The following HGSNAT variants were observed in gnomAD, a reference collection of about 807,000 sequenced individuals.
The protein encoded by HGSNAT is transmembrane protein 76.
Under a neutral mutation model 85.2 loss-of-function variants are expected in HGSNAT, and 59 were observed. The observed-to-expected ratio is 0.69, with a 90% confidence interval of 0.56 to 0.86. HGSNAT has a LOEUF of 0.86. Among genes scored for constraint, HGSNAT ranks in the 40% least tolerant of loss-of-function variants. The probability of loss-of-function intolerance (pLI) is 0.00; values close to 1 mark genes in which losing one functional copy is unlikely to be tolerated. For missense variants in HGSNAT, 756 were observed against 777.1 expected (o/e 0.97, Z 0.32); for synonymous variants, 321 against 304.5 (o/e 1.05, Z -0.56).
At chr8:43,158,829 G>C in intron 3 of HGSNAT, 94 bp from the exon 4 acceptor site, 1 of 1,500,910 alleles carries the variant, frequency 6.7e-7, no homozygotes, top group South Asian at 1.3e-5. Flanking sequence ...CCGTACCCAG[G>C]AACATGTATT....
chr8:43,159,519 C>A (rs1381460586), intron 4 of HGSNAT, among the ~76,000 whole-genome samples: 2 of 152,032 alleles, frequency 1.3e-5, no homozygotes, highest in Non-Finnish European at 2.9e-5. Context: ...ACCTGGGAGG[C>A]AGAAGTTGCA....
Position 43,168,422 on chromosome 8 carries a change from C to T in HGSNAT, c.564-751C>T, listed in dbSNP as rs186159302. Among the ~76,000 whole-genome samples, 469 of 100,188 alleles carry T rather than the reference C, an allele frequency of 4.7e-3. 6 individuals are homozygous for T. The highest frequency in any genetic ancestry group is 0.018 in the African/African-American group (449 of 25,518). 65.7% of individuals were successfully genotyped at this position (100,188 alleles called of 152,430 possible). On this transcript the variant is annotated intron_variant, in intron 5 of 17. Coordinates refer to ENST00000379644, the MANE Select transcript of HGSNAT (RefSeq NM_152419.3). ...TTTTTTTTTTTTTGAGATGGAGTCT[C>T]GCTCTGTTGCCCAGGCTGGAGTCCA...
chr8:43,196,905 C>A, intron 14 of HGSNAT, 43 bp from the exon 15 acceptor site: 1 of 1,177,374 alleles, frequency 8.5e-7, no homozygotes, highest in Non-Finnish European at 1.3e-6. Flanking sequence ...ATAAAAATAT[C>A]CCTTTGGCGA....
At chr8:43,147,133 G>A (rs1199948896) in intron 2 of HGSNAT, 70 bp downstream of exon 2, 3 of 837,028 alleles carry the variant, frequency 3.6e-6, no homozygotes, top group Non-Finnish European at 5.7e-6. Context: ...ATGCTCTCAT[G>A]TCTAAAGCCC....
intron 11 of HGSNAT, among the ~76,000 whole-genome samples, chr8:43,186,055 G>A (rs1381445828): frequency 6.6e-6 from 1 of 152,162 alleles, no homozygotes; most frequent in Non-Finnish European, 1.5e-5. Context: ...TTTTATTGAG[G>A]ATTTTTGCAT....
intron 17 of HGSNAT, 95 bp from the exon 18 acceptor site, chr8:43,199,292 CT>C: frequency 1.2e-6 from 1 of 854,732 alleles, no homozygotes; most frequent in Non-Finnish European, 1.8e-6. Flanking sequence ...TGCACACTTT[CT>C]GTTTTTTCAT....
Position 43,199,500 on chromosome 8 carries a change from C to A in HGSNAT, c.1839C>A (p.Ile613=). The part of the protein sequence containing the change: ...QSHKEHLTQN[I]VATALWVLIA... Reference sequence around the variant, plus strand: ...ACAAGGAGCACCTGACTCAGAACATCGTCGCCACTGCCCTCTGGGTGCTCA... The same window carrying A: ...ACAAGGAGCACCTGACTCAGAACATAGTCGCCACTGCCCTCTGGGTGCTCA... The change falls in exon 18 of 18, where the codon ATC becomes ATA. Residue 613 remains isoleucine (I), a synonymous_variant. Transcript: ENST00000379644. 1 of 1,611,640 alleles carries A rather than the reference C, an allele frequency of 6.2e-7. No individual in the cohort carries two copies. Among genetic ancestry groups the A allele is most frequent in the Non-Finnish European group, 8.5e-7 (1 of 1,178,804 alleles).
In HGSNAT at chr8:43,140,567, C is replaced by T. The variant is rs568991180; in HGVS notation, c.71C>T (p.Ala24Val). ...TCCGTGCTGAGCGCCGCGCTGCTGG[C>T]CCCCGGCGGCTCTTCGGGGCGCGAT... ...AASVLSAALL[A>V]PGGSSGRDAQ... Residue 24 changes from alanine to valine, a missense_variant, in exon 1 of 18, where the codon GCC becomes GTC. Physicochemically the swap from Ala to Val is moderately conservative, Grantham distance 64. Coordinates refer to ENST00000379644, the MANE Select transcript of HGSNAT (RefSeq NM_152419.3). The T allele has an allele frequency of 6.6e-6, 8 of 1,220,646 alleles. No homozygotes were observed. The African/African-American group carries it at 8.0e-5, about 12-fold the overall frequency. 75.6% of individuals were successfully genotyped at this position (1,220,646 alleles called of 1,614,324 possible).
chr8:43,190,617 A>G (rs555070683), intron 11 of HGSNAT, among the ~76,000 whole-genome samples: 11 of 152,300 alleles, frequency 7.2e-5, no homozygotes, highest in African/African-American at 2.6e-4. Flanking sequence ...CTGGGCCATC[A>G]CCATAGGGTC....
chr8:43,189,919 A>C (rs1369962101), intron 11 of HGSNAT, among the ~76,000 whole-genome samples: 1 of 152,124 alleles, frequency 6.6e-6, no homozygotes, highest in Admixed American at 6.5e-5. Flanking sequence ...GATAGTATTA[A>C]ATAATACCAC....
intron 2 of HGSNAT, among the ~76,000 whole-genome samples, 184 bp downstream of exon 2, chr8:43,147,247 A>G (rs781775100): frequency 6.6e-6 from 1 of 152,216 alleles, no homozygotes; most frequent in Non-Finnish European, 1.5e-5. Flanking sequence ...CACAGCATCT[A>G]TTTTTATCTT....
chr8:43,191,683 G>A, intron 12 of HGSNAT, 88 bp downstream of exon 12: 2 of 1,494,282 alleles, frequency 1.3e-6, no homozygotes, highest in Non-Finnish European at 1.8e-6. Flanking sequence ...CGAGTCAGAG[G>A]AATTCTCTTT....
chr8:43,171,730 G>A (rs1009144105), intron 7 of HGSNAT, among the ~76,000 whole-genome samples: 1 of 152,214 alleles, frequency 6.6e-6, no homozygotes, highest in Non-Finnish European at 1.5e-5. Context: ...GATGGTCACA[G>A]ATAGACAGGA....
At chr8:43,191,242 G>T (rs1383729014) in intron 11 of HGSNAT, among the ~76,000 whole-genome samples, 2 of 152,142 alleles carry the variant, frequency 1.3e-5, no homozygotes, top group African/African-American at 2.4e-5. Context: ...TATGTTTTCA[G>T]TTCTCTTGGG....
intron 5 of HGSNAT, among the ~76,000 whole-genome samples, chr8:43,165,861 G>A (rs1803418628): frequency 6.6e-6 from 1 of 152,142 alleles, no homozygotes; most frequent in Admixed American, 6.5e-5. Context: ...GCTTGAACCC[G>A]GGAGTCAGAA....
intron 1 of HGSNAT, among the ~76,000 whole-genome samples, chr8:43,140,932 T>C (rs1182395903): frequency 6.6e-6 from 1 of 152,096 alleles, no homozygotes; most frequent in Non-Finnish European, 1.5e-5. Context: ...AGGCCGCGGA[T>C]CGGGACGCCG....
intron 13 of HGSNAT, 98 bp from the exon 14 acceptor site, chr8:43,193,659 A>C (rs1318116861): frequency 2.7e-6 from 2 of 745,748 alleles, no homozygotes; most frequent in Non-Finnish European, 4.6e-6. Flanking sequence ...AAACCATGAC[A>C]TACTGGAGTG....
At position 43,144,678 on chromosome 8, in the gene HGSNAT, G is replaced by A. The variant is rs368781172; in HGVS notation, c.119-2270G>A. ...AAAAATGATTGTGAAAGCTTTCTTT[G>A]GCCTAGAGAACCAAAAGCTATAGTG... On this transcript the variant is annotated intron_variant, in intron 1 of 17. Transcript: ENST00000379644. 5.1e-4 allele frequency among the ~76,000 whole-genome samples: 78 copies of A among 152,134 alleles called. 2 individuals are homozygous for A. The South Asian group carries it at 0.016, about 31-fold the overall frequency.
At chr8:43,179,520 G>A (rs1184672360) in intron 10 of HGSNAT, among the ~76,000 whole-genome samples, 128 of 128,614 alleles carry the variant, frequency 1.0e-3, no homozygotes, top group African/African-American at 3.8e-3. Flanking sequence ...CCTCCCGGAC[G>A]GGGCGGCTGG....
Sources: gnomAD v4.1 joint callset for allele counts (sites outside exome capture counted in the v4.1 genomes callset) on GRCh38, gnomAD v4.1.1 for gene constraint, MANE v1.5 for transcripts, NCBI Gene and HGNC (gene_info 2026-07-23, HGNC 2026-07-21) for gene names.